NEO1: variants seen among roughly 807,000 people sequenced by gnomAD.
NEO1 encodes neogenin.
NEO1 carries 63 observed loss-of-function variants against 159.7 expected under a neutral mutation model. That is an observed-to-expected ratio of 0.39 (90% CI 0.32 to 0.49). The LOEUF is 0.49. NEO1 is among the 20% of genes least tolerant of loss of function. The pLI is 0.85. For missense variants in NEO1, 1,615 were observed against 1,831.0 expected, an observed-to-expected ratio of 0.88 and a Z score of 2.15; for synonymous variants, 633 against 662.0, an observed-to-expected ratio of 0.96 and a Z score of 0.67.
At chr15:73,250,000 T>C (rs1021039354) in intron 11 of NEO1, among the ~76,000 whole-genome samples, 1 of 152,212 alleles carries the variant, frequency 6.6e-6, no homozygotes, top group African/African-American at 2.4e-5. Context: ...TAGCAGAAGC[T>C]TTTGTGTAAG....
intron 26 of NEO1, among the ~76,000 whole-genome samples, chr15:73,294,047 T>C (rs1404467442): frequency 5.9e-5 from 9 of 152,194 alleles, no homozygotes; most frequent in Admixed American, 5.9e-4. Flanking sequence ...GTGTGTATTG[T>C]AAACCACAGG....
intron 5 of NEO1, among the ~76,000 whole-genome samples, chr15:73,139,945 A>C (rs1416798793): frequency 6.6e-6 from 1 of 152,210 alleles, no homozygotes; most frequent in Admixed American, 6.5e-5. Flanking sequence ...TTTACAAAGA[A>C]CTCCTACAGA....
chr15:73,285,230 C>G (rs1365102227), intron 23 of NEO1, among the ~76,000 whole-genome samples: 3 of 152,074 alleles, frequency 2.0e-5, no homozygotes, highest in African/African-American at 7.2e-5. Context: ...AGTGATTCTC[C>G]TGCCTCAGCC....
At chr15:73,195,401 C>T (rs1366614867) in intron 7 of NEO1, among the ~76,000 whole-genome samples, 1 of 152,086 alleles carries the variant, frequency 6.6e-6, no homozygotes, top group Non-Finnish European at 1.5e-5. Flanking sequence ...ATATAGTTTC[C>T]ATGCTGCGTC....
chr15:73,154,343 G>T (rs1342229125), intron 5 of NEO1, among the ~76,000 whole-genome samples: 1 of 152,148 alleles, frequency 6.6e-6, no homozygotes, highest in Non-Finnish European at 1.5e-5. Context: ...TATCCTTTGT[G>T]TTACAAACAG....
chr15:73,301,241 A>C (rs1015199771), intron 27 of NEO1, 80 bp from the exon 28 acceptor site: 2 of 1,578,420 alleles, frequency 1.3e-6, no homozygotes, highest in Admixed American at 1.7e-5. Context: ...ACCCCGAAGC[A>C]GCACTTGGAC....
At chr15:73,126,329 C>T in intron 3 of NEO1, 88 bp from the exon 4 acceptor site, 1 of 1,280,484 alleles carries the variant, frequency 7.8e-7, no homozygotes, top group Non-Finnish European at 1.1e-6. Context: ...CTCGGCCTCC[C>T]AAAGTATCGG....
At chr15:73,177,761 C>T (rs1203626096) in intron 6 of NEO1, among the ~76,000 whole-genome samples, 2 of 152,088 alleles carry the variant, frequency 1.3e-5, no homozygotes, top group East Asian at 1.9e-4. Context: ...GTCTGGTCTT[C>T]AGCGCCTGGG....
intron 23 of NEO1, among the ~76,000 whole-genome samples, chr15:73,287,735 G>A (rs1000272600): frequency 6.6e-6 from 1 of 152,130 alleles, no homozygotes; most frequent in African/African-American, 2.4e-5. Flanking sequence ...ACAAAAATTA[G>A]CTGGGTGTGG....
At chr15:73,128,456 T>C (rs1480585291) in intron 4 of NEO1, among the ~76,000 whole-genome samples, 1 of 152,186 alleles carries the variant, frequency 6.6e-6, no homozygotes, top group Non-Finnish European at 1.5e-5. Context: ...ATGTCAGAAA[T>C]AAATGTGAGG....
At chr15:73,256,375 C>G (rs1480017060) in intron 13 of NEO1, among the ~76,000 whole-genome samples, 1 of 152,178 alleles carries the variant, frequency 6.6e-6, no homozygotes, top group Non-Finnish European at 1.5e-5. Flanking sequence ...TGGCACCCAC[C>G]TATGATCCCA....
At chr15:73,208,197 G>A (rs2037343413) in intron 7 of NEO1, among the ~76,000 whole-genome samples, 1 of 152,180 alleles carries the variant, frequency 6.6e-6, no homozygotes, top group African/African-American at 2.4e-5. Flanking sequence ...TAAAATTCAT[G>A]TCAGAATTTC....
intron 26 of NEO1, among the ~76,000 whole-genome samples, chr15:73,297,036 C>G (rs1329498930): frequency 1.3e-5 from 2 of 152,242 alleles, no homozygotes; most frequent in African/African-American, 4.8e-5. Flanking sequence ...TTCAGGCCAC[C>G]TGGTACAGTC....
chr15:73,140,718 T>TA (rs2032300343), intron 5 of NEO1, among the ~76,000 whole-genome samples: 1 of 152,202 alleles, frequency 6.6e-6, no homozygotes, highest in African/African-American at 2.4e-5. Flanking sequence ...AATACAAATG[T>TA]AGAGTAGTCT....
intron 1 of NEO1, among the ~76,000 whole-genome samples, chr15:73,078,071 G>T (rs552511739): frequency 6.6e-6 from 1 of 152,290 alleles, no homozygotes; most frequent in South Asian, 2.1e-4. Context: ...GGTTTAGGGT[G>T]GTGATGTGAA....
At position 73,302,870 on chromosome 15, in the gene NEO1, C is replaced by G. The variant is rs2151198848; in HGVS notation, c.*174C>G. The G allele has an allele frequency of 1.7e-6, 1 of 577,854 alleles. No homozygotes were observed. The highest frequency in any genetic ancestry group is 3.0e-5 in the East Asian group (1 of 33,302). 35.8% of individuals were successfully genotyped at this position (577,854 alleles called of 1,614,324 possible). On this transcript the variant is annotated 3_prime_UTR_variant, in exon 29 of 29. Transcript: ENST00000261908. ...GCTCCAGGCATGGCCACCTGCCTTC[C>G]CCTGGTCAGCCTGGAAGAAGCCTGT...
intron 21 of NEO1, among the ~76,000 whole-genome samples, chr15:73,276,160 T>G (rs2041413429): frequency 2.6e-5 from 4 of 152,222 alleles, no homozygotes; most frequent in Admixed American, 2.6e-4. Context: ...AATTCTTAGC[T>G]GCCTGACACC....
At chr15:73,205,781 C>A (rs1333730087) in intron 7 of NEO1, among the ~76,000 whole-genome samples, 1 of 152,198 alleles carries the variant, frequency 6.6e-6, no homozygotes, top group Non-Finnish European at 1.5e-5. Context: ...CCAGGAAAGT[C>A]ATTCATTTTC....
chr15:73,240,327 G>C (rs2039429727), intron 8 of NEO1, among the ~76,000 whole-genome samples: 1 of 152,164 alleles, frequency 6.6e-6, no homozygotes, highest in South Asian at 2.1e-4. Flanking sequence ...TTTGTAGTTG[G>C]AAGAGATACA....
Sources: allele counts gnomAD v4.1 joint callset (sites outside exome capture counted in the v4.1 genomes callset), GRCh38; gene constraint gnomAD v4.1.1; transcripts MANE v1.5; gene names NCBI Gene and HGNC (gene_info 2026-07-23, HGNC 2026-07-21).